ABCA3: variants seen among roughly 807,000 people sequenced by gnomAD.
ABCA3 encodes phospholipid-transporting ATPase ABCA3.
In ABCA3, 88 loss-of-function variants were observed where a neutral mutation model predicts 172.8. The observed-to-expected ratio is 0.51, with a 90% CI of 0.43 to 0.61. The LOEUF is 0.61. Ranked by LOEUF, ABCA3 falls within the 20% of genes least tolerant of loss-of-function variation. The probability of loss-of-function intolerance (pLI) is 0.00; values close to 1 mark genes in which losing one functional copy is unlikely to be tolerated. For synonymous variants in ABCA3, 1,066 were observed against 983.8 expected (o/e 1.08, Z -1.56); for missense variants, 2,164 against 2,301.0 (o/e 0.94, Z 1.22).
intron 8 of ABCA3, 38 bp downstream of exon 8, chr16:2,319,543 G>T (rs201779166): frequency 6.2e-7 from 1 of 1,603,896 alleles, no homozygotes; most frequent in African/African-American, 1.3e-5. Context: ...AGGACAGCGC[G>T]GTTTCTAGAG....
intron 1 of ABCA3, among the ~76,000 whole-genome samples, chr16:2,339,582 CAGG>C (rs1488860516): frequency 1.3e-5 from 2 of 152,178 alleles, no homozygotes; most frequent in Non-Finnish European, 2.9e-5. Flanking sequence ...ACGGGATGCC[CAGG>C]AGAAGAGTGA....
rs2093651251 is a variant in ABCA3 at position 2,279,105 on chromosome 16, G to A, written c.4385C>T (p.Pro1462Leu). The change falls in exon 29 of 33, where the codon CCG becomes CTG. Residue 1462 changes from proline to leucine, a missense_variant. Physicochemically the swap from Pro to Leu is moderately conservative, Grantham distance 98. Around this residue, in one of 3 missense-constraint regions of ABCA3, gnomAD observed 795 missense variants for 881.9 expected, o/e 0.90. Transcript: ENST00000301732. The surrounding 1 kb of genome is among the most constrained non-coding windows in gnomAD (Gnocchi z 4.4). ...GTGGTCCAGCAAGGCATCAAACTGC[G>A]GGCAGTAGCCGATCCGCTGCCGCAC... ...GKVRQRIGYC[P>L]QFDALLDHMT... 7.4e-6 allele frequency: 12 copies of A among 1,612,002 alleles called. No individual in the cohort carries two copies. The highest frequency in any genetic ancestry group is 9.3e-6 in the Non-Finnish European group (11 of 1,180,004).
chr16:2,340,401 C>T (rs890573271), intron 1 of ABCA3, among the ~76,000 whole-genome samples, 172 bp downstream of exon 1: 25 of 151,172 alleles, frequency 1.7e-4, no homozygotes, highest in Non-Finnish European at 3.4e-4. Context: ...GAGGGGCGGG[C>T]GCGGGCGCGG....
In ABCA3 at chr16:2,284,140, G is replaced by T; in HGVS notation, c.3862+139C>A. ...GCGCGAGGGGGCTGCTGTGGGAGGT[G>T]GGGCAAGGCGGTACAGAGGAACGCA... On this transcript the variant is annotated intron_variant, in intron 25 of 32. Transcript: ENST00000301732. The surrounding 1 kb of genome is among the most constrained non-coding windows in gnomAD (Gnocchi z 5.9). 8.9e-7 allele frequency: 1 copy of T among 1,120,660 alleles called. No individual in the cohort carries two copies. The highest frequency in any genetic ancestry group is 1.2e-6 in the Non-Finnish European group (1 of 809,730). 69.4% of individuals were successfully genotyped at this position (1,120,660 alleles called of 1,614,324 possible).
chr16:2,285,513 C>T lies in ABCA3; in HGVS notation c.3412G>A (p.Val1138Met), dbSNP rs747734905. 115 of 1,608,780 alleles carry T rather than the reference C, an allele frequency of 7.1e-5. No individual in the cohort carries two copies. The highest frequency in any genetic ancestry group is 1.6e-4 in the Middle Eastern group (1 of 6,084). The change falls in exon 23 of 33, where the codon GTG (valine) becomes ATG (methionine). Residue 1138 changes from valine (V) to methionine (M), a missense_variant. This residue lies in a region of ABCA3 where 795 missense variants were observed against 881.9 expected (regional missense o/e 0.90). Transcript: ENST00000301732. The surrounding 1 kb of genome is among the most constrained non-coding windows in gnomAD (Gnocchi z 4.7). Reference sequence around the variant, plus strand: ...AGAGCAGAGAGCCAGAAACTGGCCACGTGGACTCCACTCACAAACTGCACA... The same window carrying T: ...AGAGCAGAGAGCCAGAAACTGGCCATGTGGACTCCACTCACAAACTGCACA... ...KHVQFVSGVH[V>M]ASFWLSALLW...
chr16:2,315,517 C>G (rs2093713840), intron 10 of ABCA3, among the ~76,000 whole-genome samples: 1 of 152,068 alleles, frequency 6.6e-6, no homozygotes, highest in Admixed American at 6.6e-5. Flanking sequence ...AAGCACTGAC[C>G]ACTTACCAAT....
chr16:2,278,850 G>A lies in ABCA3; in HGVS notation c.4547+93C>T. The A allele has an allele frequency of 1.3e-6, 2 of 1,562,014 alleles. No individual in the cohort carries two copies. Among genetic ancestry groups the A allele is most frequent in the Non-Finnish European group, 1.8e-6 (2 of 1,141,800 alleles). ...TCCTGGAGCCACAAGCAGGAGCTCT[G>A]GCTGCTGACCTGAGCGGTCACTCCC... On this transcript the variant is annotated intron_variant, in intron 29 of 32. Transcript: ENST00000301732. The surrounding 1 kb of genome is among the most constrained non-coding windows in gnomAD (Gnocchi z 4.4).
At position 2,284,531 on chromosome 16, in the gene ABCA3, G is replaced by A. The variant is rs1373999787; in HGVS notation, c.3704-94C>T. ...TCAGGGCGGGCACAGGGCCTTATCC[G>A]TGCTGTGTGGAGTGAGGGGGCACCT... On this transcript the variant is annotated intron_variant, in intron 24 of 32. Coordinates refer to ENST00000301732, the MANE Select transcript of ABCA3 (RefSeq NM_001089.3). This position sits in a 1 kb window ranked among gnomAD's most constrained non-coding sequence, Gnocchi z 5.9. 4 of 1,546,068 alleles carry A rather than the reference G, an allele frequency of 2.6e-6. No individual in the cohort carries two copies. The highest frequency in any genetic ancestry group is 1.4e-5 in the African/African-American group (1 of 73,418).
rs1467006290 is a variant in ABCA3, at chr16:2,276,287, T to A, written c.*387A>T. On this transcript the variant is annotated 3_prime_UTR_variant, in exon 33 of 33. Coordinates refer to ENST00000301732, the MANE Select transcript of ABCA3 (RefSeq NM_001089.3). ...CTTCCCGCTTCCTCCCCAGGGGAGA[T>A]TAGTGTCGTGTGTAAACTTGGACAA... The A allele has an allele frequency of 2.2e-6, 1 of 461,448 alleles. No homozygotes were observed. Among genetic ancestry groups the A allele is most frequent in the South Asian group, 1.5e-5 (1 of 64,604 alleles). The allele number at this position is 461,448 out of a possible 1,614,324, so 28.6% of individuals were successfully genotyped here.
chr16:2,288,056 C>A lies in ABCA3; in HGVS notation c.2974G>T (p.Ala992Ser), dbSNP rs1251565142. ...LSEHLKDALQ[A>S]EGQEPREVLG... ...ACCTCGCGGGGCTCCTGTCCCTCAG[C>A]CTGCAGTGCGTCTTTCAGATGCTCT... The change falls in exon 21 of 33, where the codon GCT becomes TCT. Residue 992 changes from alanine to serine, a missense_variant. Ala to Ser is a moderately conservative substitution (Grantham distance 99, BLOSUM62 1). Coordinates refer to ENST00000301732, the MANE Select transcript of ABCA3 (RefSeq NM_001089.3). 2 of 1,611,476 alleles carry A rather than the reference C, an allele frequency of 1.2e-6. No individual in the cohort carries two copies. Among genetic ancestry groups the A allele is most frequent in the South Asian group, 2.2e-5 (2 of 91,076 alleles).
At chr16:2,339,097 G>A (rs543414780) in intron 1 of ABCA3, 2 of 152,394 alleles carry the variant, frequency 1.3e-5, no homozygotes, top group Admixed American at 6.5e-5. Context: ...TTCCCCGTCA[G>A]AGCCGTCCCC....
intron 1 of ABCA3, among the ~76,000 whole-genome samples, chr16:2,336,124 G>C (rs928488631): frequency 2.6e-5 from 4 of 152,186 alleles, no homozygotes; most frequent in Non-Finnish European, 5.9e-5. Flanking sequence ...CAAGAATAGA[G>C]CATTTGTGAA....
chr16:2,334,324 A>G (rs2093748304), intron 1 of ABCA3, among the ~76,000 whole-genome samples: 1 of 152,132 alleles, frequency 6.6e-6, no homozygotes, highest in African/African-American at 2.4e-5. Context: ...CCATGTCATC[A>G]AGGCGCTGGA....
intron 3 of ABCA3, among the ~76,000 whole-genome samples, chr16:2,327,661 T>C (rs1391161606): frequency 6.6e-6 from 1 of 152,228 alleles, no homozygotes; most frequent in Non-Finnish European, 1.5e-5. Context: ...CTTTTCCTGT[T>C]GTTATTACAG....
intron 19 of ABCA3, 82 bp from the exon 20 acceptor site, chr16:2,289,702 G>T: frequency 6.8e-7 from 1 of 1,460,834 alleles, no homozygotes; most frequent in Non-Finnish European, 9.3e-7. Context: ...AGGCACTGAG[G>T]GGAGCAGTGT....
At position 2,288,310 on chromosome 16, in the gene ABCA3, T is replaced by C; in HGVS notation, c.2720A>G (p.Gln907Arg). 6.4e-7 allele frequency: 1 copy of C among 1,563,656 alleles called. No individual in the cohort carries two copies. The highest frequency in any genetic ancestry group is 8.6e-7 in the Non-Finnish European group (1 of 1,157,662). ...LNTGLALHCQ[Q>R]FWAMFLKKAA... ...CTTCTTCAGGAACATGGCCCAGAAT[T>C]GCTGGCAGTGCAGGGCGAGCTGCGG... The change falls in exon 21 of 33, where the codon CAA becomes CGA. Residue 907 changes from glutamine (Q) to arginine (R), a missense_variant. By Grantham distance (43) the Gln-to-Arg change is conservative. This residue lies in a region of ABCA3 where 1,343 missense variants were observed against 1,369.6 expected (regional missense o/e 0.98). Coordinates refer to ENST00000301732, the MANE Select transcript of ABCA3 (RefSeq NM_001089.3).
At position 2,292,251 on chromosome 16, in the gene ABCA3, C is replaced by T. The variant is rs1167890985; in HGVS notation, c.2415-13G>A. 6.2e-7 allele frequency: 1 copy of T among 1,605,600 alleles called. No individual in the cohort carries two copies. Among genetic ancestry groups the T allele is most frequent in the Admixed American group, 1.7e-5 (1 of 59,940 alleles). On this transcript the variant is annotated splice_polypyrimidine_tract_variant and intron_variant, in intron 18 of 32. Transcript: ENST00000301732. Reference sequence around the variant, plus strand: ...GAGACCTTCAAACCTGAAAAACAGACCCAGCATTATGAGTCACTTCTCAGT... The same window carrying T: ...GAGACCTTCAAACCTGAAAAACAGATCCAGCATTATGAGTCACTTCTCAGT...
rs563312286 is a variant in ABCA3 at position 2,287,959 on chromosome 16, G to A, written c.3004+67C>T. On this transcript the variant is annotated intron_variant, in intron 21 of 32. Transcript: ENST00000301732. This position sits in a 1 kb window ranked among gnomAD's most constrained non-coding sequence, Gnocchi z 4.1. Reference sequence around the variant, plus strand: ...CCAGATGTCGACCCTGCTGCAGTCAGGAAGGCGAACTCTGGCTGCAGGACT... The same window carrying A: ...CCAGATGTCGACCCTGCTGCAGTCAAGAAGGCGAACTCTGGCTGCAGGACT... The A allele has an allele frequency of 6.3e-7, 1 of 1,579,810 alleles. No individual in the cohort carries two copies. Among genetic ancestry groups the A allele is most frequent in the Non-Finnish European group, 8.6e-7 (1 of 1,166,218 alleles).
Position 2,279,531 on chromosome 16 carries a change from C to T in ABCA3, c.4360-401G>A, listed in dbSNP as rs968402349. 3.3e-5 allele frequency among the ~76,000 whole-genome samples: 5 copies of T among 152,160 alleles called. No individual in the cohort carries two copies. The highest frequency in any genetic ancestry group is 3.3e-4 in the Admixed American group (5 of 15,276). ...TCTAAGAAGAAAGATTTGTGGGCACCACGTTTGGGGTGAGTACTGCTTGGT... is the reference window on the plus strand; with the variant it reads ...TCTAAGAAGAAAGATTTGTGGGCACTACGTTTGGGGTGAGTACTGCTTGGT... On this transcript the variant is annotated intron_variant, in intron 28 of 32. Transcript: ENST00000301732. The surrounding 1 kb of genome is among the most constrained non-coding windows in gnomAD (Gnocchi z 4.4).
Sources: gnomAD v4.1 joint callset for allele counts (sites outside exome capture counted in the v4.1 genomes callset) on GRCh38, gnomAD v4.1.1 for gene constraint, gnomAD v4.1.1 regional missense constraint, Gnocchi (gnomAD v3.1) non-coding constraint, MANE v1.5 for transcripts, NCBI Gene and HGNC (gene_info 2026-07-23, HGNC 2026-07-21) for gene names.